Variants in TRPM7 observed in about 807,000 individuals in gnomAD.
TRPM7 encodes the protein LTRPC ion channel family member 7.
A neutral mutation model predicts 229.7 loss-of-function variants in TRPM7; 134 were observed. The observed-to-expected ratio is 0.58, with a 90% confidence interval of 0.51 to 0.67. TRPM7 has a LOEUF of 0.67. Among genes scored for constraint, TRPM7 ranks in the 30% least tolerant of loss-of-function variants. TRPM7 has a pLI of 0.00. For missense variants in TRPM7, 1,901 were observed against 2,210.0 expected, an observed-to-expected ratio of 0.86 and a Z score of 2.80; for synonymous variants, 699 against 715.2, an observed-to-expected ratio of 0.98 and a Z score of 0.36.
rs576100839 is a variant in TRPM7, at chr15:50,634,485, C to T, written c.904G>A (p.Glu302Lys). 26 of 1,582,122 alleles carry T rather than the reference C, an allele frequency of 1.6e-5. No homozygotes were observed. In the South Asian group the frequency reaches 2.8e-4, roughly 17 times the overall value. The change falls in exon 8 of 39, where the codon GAA (glutamate) becomes AAA (lysine). Residue 302 changes from glutamate to lysine, a missense_variant. This residue lies in a region of TRPM7 where 794 missense variants were observed against 881.9 expected (regional missense o/e 0.90). Transcript: ENST00000646667. ...ACAGGGGGGCTTTCCTGAAGGTATTCAAGAACTGTGAGGATAACATTTGGC... is the reference window on the plus strand; with the variant it reads ...ACAGGGGGGCTTTCCTGAAGGTATTTAAGAACTGTGAGGATAACATTTGGC... ...GGPNVILTVL[E>K]YLQESPPVPV... is the part of the protein sequence containing the mutation.
chr15:50,602,065 T>C (rs2059796410), intron 21 of TRPM7, among the ~76,000 whole-genome samples: 1 of 151,958 alleles, frequency 6.6e-6, no homozygotes, highest in Non-Finnish European at 1.5e-5. Context: ...ATCATGCTAC[T>C]ATAAAGACAC....
chr15:50,613,994 GCT>G, intron 14 of TRPM7, 127 bp downstream of exon 14: 2 of 1,328,852 alleles, frequency 1.5e-6, no homozygotes, highest in Middle Eastern at 5.1e-4. Flanking sequence ...ATTTCTAATT[GCT>G]CTTAGTTGAA....
intron 16 of TRPM7, among the ~76,000 whole-genome samples, chr15:50,612,280 G>A (rs1275358936): frequency 2.6e-5 from 4 of 152,002 alleles, no homozygotes; most frequent in Admixed American, 6.6e-5. Flanking sequence ...ATGTAGAGAC[G>A]GGGTCTGCCT....
In TRPM7 at chr15:50,628,334, G is replaced by C. The variant is rs976382212; in HGVS notation, c.1205-85C>G. On this transcript the variant is annotated intron_variant, in intron 10 of 38. Transcript: ENST00000646667. ...ACACTTTTTTTTTTTTTAAGAGATG[G>C]GGTCTTGGTCTGTTGCTCAGGCTAA... 5.5e-6 allele frequency: 5 copies of C among 905,446 alleles called. No individual in the cohort carries two copies. The Admixed American group carries it at 8.3e-5, about 15-fold the overall frequency. The allele number at this position is 905,446 out of a possible 1,614,324, so 56.1% of individuals were successfully genotyped here.
chr15:50,677,269 C>G (rs934776002), intron 1 of TRPM7, among the ~76,000 whole-genome samples: 5 of 152,016 alleles, frequency 3.3e-5, no homozygotes, highest in Non-Finnish European at 7.4e-5. Context: ...AGACCCAGGG[C>G]CCCACCCTCA....
chr15:50,584,566 T>TA (rs2054593674), intron 28 of TRPM7, among the ~76,000 whole-genome samples: 1 of 151,930 alleles, frequency 6.6e-6, no homozygotes, highest in Non-Finnish European at 1.5e-5. Context: ...TGAGTATTTC[T>TA]AGTGATCACT....
intron 11 of TRPM7, among the ~76,000 whole-genome samples, chr15:50,626,922 T>C (rs1747777705): frequency 6.6e-6 from 1 of 151,752 alleles, no homozygotes; most frequent in South Asian, 2.1e-4. Context: ...ACAGTACATG[T>C]AGATATGCAT....
chr15:50,579,341 A>C (rs1052339789), intron 30 of TRPM7, among the ~76,000 whole-genome samples: 1 of 152,202 alleles, frequency 6.6e-6, no homozygotes, highest in African/African-American at 2.4e-5. Context: ...TCCAGAAAGG[A>C]CCTTGGGAGT....
intron 24 of TRPM7, 54 bp from the exon 25 acceptor site, chr15:50,593,803 T>C: frequency 6.5e-7 from 1 of 1,536,760 alleles, no homozygotes; most frequent in East Asian, 2.3e-5. Flanking sequence ...GGTTTCAACT[T>C]TAGCTCATAA....
intron 1 of TRPM7, among the ~76,000 whole-genome samples, chr15:50,672,702 G>A (rs1390875935): frequency 6.6e-6 from 1 of 151,814 alleles, no homozygotes; most frequent in Admixed American, 6.6e-5. Context: ...CTGAGGTCAC[G>A]AGTTCGAGAC....
At chr15:50,578,604 AT>A in intron 31 of TRPM7, 34 bp downstream of exon 31, 2 of 1,601,146 alleles carry the variant, frequency 1.2e-6, no homozygotes, top group South Asian at 1.1e-5. Flanking sequence ...TAAGATTCTC[AT>A]TTTTTTCACG....
chr15:50,581,206 T>C (rs538994718), intron 29 of TRPM7, among the ~76,000 whole-genome samples: 1 of 152,230 alleles, frequency 6.6e-6, no homozygotes, highest in East Asian at 1.9e-4. Context: ...TCTCTTAAAA[T>C]ATATATTTGT....
chr15:50,680,821 T>C (rs1215558689), intron 1 of TRPM7, among the ~76,000 whole-genome samples: 1 of 152,222 alleles, frequency 6.6e-6, no homozygotes, highest in African/African-American at 2.4e-5. Flanking sequence ...TCCAAGTTTC[T>C]GTAGTTTGGC....
rs778408380 is a variant in TRPM7, at chr15:50,613,746, A to G, written c.1731T>C (p.His577=). 243 of 1,613,440 alleles carry G rather than the reference A, an allele frequency of 1.5e-4. No individual in the cohort carries two copies. The highest frequency in any genetic ancestry group is 2.0e-4 in the Non-Finnish European group (235 of 1,179,718). The change falls in exon 15 of 39, where the codon CAT becomes CAC. Residue 577 remains histidine, a synonymous_variant. Transcript: ENST00000646667. ...NRADKKEKMR[H]NHFIKTAQPY... ...GCTGTGCTGTCTTAATGAAATGGTT[A>G]TGCCTCATTTTTTCCTTTTTATCTG... is the stretch of plus-strand genomic sequence containing the variant.
intron 27 of TRPM7, 72 bp from the exon 28 acceptor site, chr15:50,586,560 T>C (rs917465771): frequency 3.2e-6 from 3 of 927,632 alleles, no homozygotes; most frequent in Non-Finnish European, 5.1e-6. Flanking sequence ...CTAAGTAGTA[T>C]TAGAGTCCCT....
chr15:50,574,417 C>T lies in TRPM7; in HGVS notation c.5165G>A (p.Cys1722Tyr). ...GTATTTTCTAAATTCTCCAGTCATA[C>T]ATTCTTCCACAGCAAACCACTGTCC... ...SAGQWFAVEE[C>Y]MTGEFRKYNN... Residue 1722 changes from cysteine to tyrosine, a missense_variant, in exon 36 of 39, where the codon TGT (cysteine) becomes TAT (tyrosine). This residue lies in a region of TRPM7 where 257 missense variants were observed against 352.0 expected (regional missense o/e 0.73). Transcript: ENST00000646667. The T allele has an allele frequency of 1.9e-6, 3 of 1,613,940 alleles. No individual in the cohort carries two copies. The highest frequency in any genetic ancestry group is 2.5e-6 in the Non-Finnish European group (3 of 1,179,986).
intron 13 of TRPM7, among the ~76,000 whole-genome samples, chr15:50,616,873 G>T (rs1026498451): frequency 6.6e-6 from 1 of 152,028 alleles, no homozygotes; most frequent in Non-Finnish European, 1.5e-5. Flanking sequence ...TAGAGACAGG[G>T]TTTCACTATT....
intron 36 of TRPM7, among the ~76,000 whole-genome samples, chr15:50,573,509 C>G (rs905898970): frequency 3.3e-5 from 5 of 152,180 alleles, no homozygotes; most frequent in African/African-American, 2.4e-5. Context: ...CAGAGAGAGA[C>G]ATTCCCACTA....
At chr15:50,658,714 A>T (rs778383776) in intron 2 of TRPM7, among the ~76,000 whole-genome samples, 3 of 152,228 alleles carry the variant, frequency 2.0e-5, no homozygotes, top group Non-Finnish European at 4.4e-5. Context: ...CTCACACACT[A>T]ATTCCAGTTC....
Sources: allele counts gnomAD v4.1 joint callset (sites outside exome capture counted in the v4.1 genomes callset), GRCh38; gene constraint gnomAD v4.1.1; regional missense constraint gnomAD v4.1.1; transcripts MANE v1.5; gene names NCBI Gene and HGNC (gene_info 2026-07-23, HGNC 2026-07-21).